Variants in ARHGAP39 observed in about 807,000 individuals in gnomAD.
ARHGAP39 encodes rho GTPase-activating protein 39.
In ARHGAP39, 44 loss-of-function variants were observed where a neutral mutation model predicts 106.9. The ratio of observed to expected loss-of-function variants is 0.41; its 90% CI spans 0.32 to 0.53. The LOEUF is 0.53. Ranked by LOEUF, ARHGAP39 falls within the 20% of genes least tolerant of loss-of-function variation. ARHGAP39 has a pLI of 0.21. For synonymous variants in ARHGAP39, 768 were observed against 693.2 expected (o/e 1.11, Z -1.69); for missense variants, 1,496 against 1,577.3 (o/e 0.95, Z 0.87).
chr8:144,697,266 G>T, the ARHGAP39 span, among the ~76,000 whole-genome samples: 1 of 150,506 alleles, frequency 6.6e-6, no homozygotes, highest in African/African-American at 2.5e-5. Context: ...CCTGGAGGAG[G>T]TTGCAGTAAG....
In ARHGAP39 at chr8:144,588,798, G is replaced by A. The variant is rs536897358; in HGVS notation, c.81-7521C>T. 3.3e-5 allele frequency among the ~76,000 whole-genome samples: 5 copies of A among 152,256 alleles called. No individual in the cohort carries two copies. The South Asian group carries it at 6.2e-4, about 19-fold the overall frequency. ...GCCAACGTGGGCAGGACTCTTGTGC[G>A]TGCTCACCGCGCCGTGACATGAGAG... On this transcript the variant is annotated intron_variant, in intron 2 of 11. Coordinates refer to ENST00000377307, the MANE Select transcript of ARHGAP39 (RefSeq NM_025251.3).
At chr8:144,574,048 C>A (rs1244218850) in intron 3 of ARHGAP39, among the ~76,000 whole-genome samples, 1 of 151,528 alleles carries the variant, frequency 6.6e-6, no homozygotes, top group Non-Finnish European at 1.5e-5. Flanking sequence ...TGGCGCCCCC[C>A]TGTAATCCCA....
rs369368143 is a variant in ARHGAP39, at chr8:144,605,631, G to A, written c.-17C>T. The A allele has an allele frequency of 2.6e-4, 423 of 1,611,718 alleles. No individual in the cohort carries two copies. The highest frequency in any genetic ancestry group is 3.5e-4 in the Non-Finnish European group (410 of 1,179,816). ...CTGGGACATCGCTGTTTGCTTCCGC[G>A]CCCACGTGGACAGACGTCAGGGCAC... is the stretch of plus-strand genomic sequence containing the variant. On this transcript the variant is annotated 5_prime_UTR_variant, in exon 2 of 12. Coordinates refer to ENST00000377307, the MANE Select transcript of ARHGAP39 (RefSeq NM_025251.3).
intron 3 of ARHGAP39, among the ~76,000 whole-genome samples, chr8:144,580,437 C>G (rs1818929114): frequency 6.6e-6 from 1 of 152,210 alleles, no homozygotes; most frequent in African/African-American, 2.4e-5. Context: ...GGACCCAGAA[C>G]CCTCTGAGGC....
rs1033008814 is a variant in ARHGAP39, at chr8:144,547,972, C to G, written c.1114G>C (p.Val372Leu). 1 of 1,608,046 alleles carries G rather than the reference C, an allele frequency of 6.2e-7. No homozygotes were observed. Among genetic ancestry groups the G allele is most frequent in the African/African-American group, 1.3e-5 (1 of 74,866 alleles). The change falls in exon 5 of 12, where the codon GTG becomes CTG. Residue 372 changes from valine to leucine, a missense_variant. This residue lies in a region of ARHGAP39 where 905 missense variants were observed against 816.4 expected (regional missense o/e 1.11). Transcript: ENST00000377307. The surrounding 1 kb of genome is among the most constrained non-coding windows in gnomAD (Gnocchi z 5.2). Reference sequence around the variant, plus strand: ...TCGGGACACTTCTGCTTGGTGAGCACCAGCTGCTGGCAGGGCGAGGGGGGG... The same window carrying G: ...TCGGGACACTTCTGCTTGGTGAGCAGCAGCTGCTGGCAGGGCGAGGGGGGG... ...QGPPSPCQQL[V>L]LTKQKCPERF...
intron 1 of ARHGAP39, among the ~76,000 whole-genome samples, chr8:144,617,314 T>C (rs1820662192): frequency 6.6e-6 from 1 of 152,150 alleles, no homozygotes; most frequent in South Asian, 2.1e-4. Context: ...CTCAAAGGGC[T>C]TCTCACCTGT....
chr8:144,588,574 T>C (rs1819268795), intron 2 of ARHGAP39, among the ~76,000 whole-genome samples: 1 of 152,228 alleles, frequency 6.6e-6, no homozygotes, highest in African/African-American at 2.4e-5. Flanking sequence ...GGCGGGGCTC[T>C]CGCCAAGCCA....
At position 144,530,809 on chromosome 8, in the gene ARHGAP39, C is replaced by G. The variant is rs748339987; in HGVS notation, c.3043G>C (p.Glu1015Gln). The change falls in exon 11 of 12, where the codon GAG becomes CAG. Residue 1015 changes from glutamate (E) to glutamine (Q), a missense_variant. Coordinates refer to ENST00000377307, the MANE Select transcript of ARHGAP39 (RefSeq NM_025251.3). ...CTGTCGTAGTGCGCGATGCACTGCT[C>G]GTAGAACTCGTGCGGGATCAGGGGC... The part of the protein sequence containing the change: ...EEPLIPHEFY[E>Q]QCIAHYDSPE... The G allele has an allele frequency of 1.9e-6, 3 of 1,611,826 alleles. No homozygotes were observed. Among genetic ancestry groups the G allele is most frequent in the African/African-American group, 1.3e-5 (1 of 74,916 alleles).
intron 5 of ARHGAP39, among the ~76,000 whole-genome samples, chr8:144,546,631 G>A (rs1468587624): frequency 2.0e-5 from 3 of 152,200 alleles, no homozygotes; most frequent in East Asian, 1.9e-4. Context: ...GATGGGGAAC[G>A]TGCCAGAGGC....
chr8:144,530,125 A>G lies in ARHGAP39; in HGVS notation c.*297T>C. On this transcript the variant is annotated 3_prime_UTR_variant, in exon 12 of 12. Coordinates refer to ENST00000377307, the MANE Select transcript of ARHGAP39 (RefSeq NM_025251.3). Reference sequence around the variant, plus strand: ...CAAGGAGGCAGCGTCGCTCGGCTCCAGGACACAGAAGGCACTTTCTCGGAG... The same window carrying G: ...CAAGGAGGCAGCGTCGCTCGGCTCCGGGACACAGAAGGCACTTTCTCGGAG... 2 of 420,444 alleles carry G rather than the reference A, an allele frequency of 4.8e-6. No homozygotes were observed. Among genetic ancestry groups the G allele is most frequent in the East Asian group, 4.5e-5 (1 of 22,262 alleles). 26.0% of individuals were successfully genotyped at this position (420,444 alleles called of 1,614,324 possible). A position where few individuals can be genotyped will look rare whatever the true frequency, so the allele number is the denominator to read the frequency against.
At chr8:144,648,131 T>G (rs116532936) in intron 1 of ARHGAP39, among the ~76,000 whole-genome samples, 4,142 of 152,204 alleles carry the variant, frequency 0.027, 251 homozygotes, top group East Asian at 0.24. Context: ...CACCATGCTA[T>G]AACATCCACA....
At chr8:144,661,247 A>G (rs1586643455) in intron 1 of ARHGAP39, among the ~76,000 whole-genome samples, 1 of 152,200 alleles carries the variant, frequency 6.6e-6, no homozygotes, top group Admixed American at 6.5e-5. Flanking sequence ...GGAGGAGGCC[A>G]TTCCACTCTA....
intron 6 of ARHGAP39, among the ~76,000 whole-genome samples, chr8:144,541,632 TGG>T (rs1434524262): frequency 6.6e-6 from 1 of 152,226 alleles, no homozygotes; most frequent in Non-Finnish European, 1.5e-5. Flanking sequence ...CTATCCTGAC[TGG>T]CTTCTTGCCT....
upstream of ARHGAP39, among the ~76,000 whole-genome samples, chr8:144,686,211 A>G (rs528087285): frequency 6.7e-6 from 1 of 150,262 alleles, no homozygotes; most frequent in African/African-American, 2.5e-5. Context: ...CTTTTCTTCG[A>G]CTCTAGAAAT....
chr8:144,698,179 CA>C, the ARHGAP39 span, among the ~76,000 whole-genome samples: 55 of 152,228 alleles, frequency 3.6e-4, no homozygotes, highest in Middle Eastern at 0.01. Context: ...TGAATTCCCC[CA>C]AAAGCTGGTT....
rs770736683 is a variant in ARHGAP39, at chr8:144,545,541, G to A, written c.2229C>T (p.Ala743=). The change falls in exon 6 of 12, where the codon GCC becomes GCT. Residue 743 remains alanine, a synonymous_variant. Transcript: ENST00000377307. ...TCTGGATCAGCTTGAAGAGCTCGCA[G>A]GCCTCCTTCTTCACGTGCCGGTCGC... ...VTSDRHVKKE[A]CELFKLIQMY... is the part of the protein sequence containing the mutation. 1.6e-5 allele frequency: 26 copies of A among 1,613,592 alleles called. No individual in the cohort carries two copies. The highest frequency in any genetic ancestry group is 2.1e-5 in the Non-Finnish European group (25 of 1,180,020).
chr8:144,605,302 TAGAA>T (rs1342374059), intron 2 of ARHGAP39, among the ~76,000 whole-genome samples: 8 of 151,742 alleles, frequency 5.3e-5, no homozygotes, highest in South Asian at 2.1e-4. Context: ...AATCAAAAAT[TAGAA>T]AGAGAAAAAC....
rs889732933 is a variant in ARHGAP39, at chr8:144,558,923, A to C, written c.513-3280T>G. ...CCTCGTCTCTACTAAAAATACAAAA[A>C]CTAGGGCCGGGCACGGTAGCTTACA... On this transcript the variant is annotated intron_variant, in intron 3 of 11. Transcript: ENST00000377307. 7.0e-4 allele frequency among the ~76,000 whole-genome samples: 106 copies of C among 152,022 alleles called. 1 individual carries two copies. The highest frequency in any genetic ancestry group is 2.3e-3 in the African/African-American group (95 of 41,468).
intron 4 of ARHGAP39, among the ~76,000 whole-genome samples, chr8:144,549,401 T>C (rs561515480): frequency 1.3e-5 from 2 of 152,358 alleles, no homozygotes; most frequent in South Asian, 4.1e-4. Flanking sequence ...CGGCCTGACG[T>C]CTTCTACAAT....
Sources: allele counts gnomAD v4.1 joint callset (sites outside exome capture counted in the v4.1 genomes callset), GRCh38; gene constraint gnomAD v4.1.1; regional missense constraint gnomAD v4.1.1; non-coding constraint Gnocchi (gnomAD v3.1); transcripts MANE v1.5; gene names NCBI Gene and HGNC (gene_info 2026-07-23, HGNC 2026-07-21).